The following ARL15 variants were observed in gnomAD, a reference collection of about 807,000 sequenced individuals.
The protein encoded by ARL15 is ADP-ribosylation factor-like protein 15.
ARL15 carries 19 observed loss-of-function variants against 25.2 expected under a neutral mutation model. The ratio of observed to expected loss-of-function variants is 0.75; its 90% CI spans 0.53 to 1.10. ARL15 has a LOEUF of 1.10. Among genes scored for constraint, ARL15 ranks in the 50% least tolerant of loss-of-function variants. ARL15 has a pLI of 0.00. For synonymous variants in ARL15, 94 were observed against 86.8 expected (o/e 1.08, Z -0.46); for missense variants, 220 against 246.0 (o/e 0.89, Z 0.71).
At chr5:54,070,894 T>C (rs10042837) in intron 4 of ARL15, among the ~76,000 whole-genome samples, 40,139 of 151,586 alleles carry the variant, frequency 0.26, 6,674 homozygotes, top group African/African-American at 0.48. Context: ...CTTGGCCAGG[T>C]GCAATGGCTC....
At chr5:54,155,709 C>T (rs1314621258) in intron 2 of ARL15, among the ~76,000 whole-genome samples, 1 of 151,840 alleles carries the variant, frequency 6.6e-6, no homozygotes, top group African/African-American at 2.4e-5. Flanking sequence ...CACACGCACA[C>T]ACACACATGC....
intron 3 of ARL15, among the ~76,000 whole-genome samples, chr5:54,128,591 T>G (rs1753331622): frequency 6.6e-6 from 1 of 152,190 alleles, no homozygotes; most frequent in Non-Finnish European, 1.5e-5. Flanking sequence ...GCCTGACTCA[T>G]GAGCTCACAG....
intron 2 of ARL15, among the ~76,000 whole-genome samples, chr5:54,169,366 T>G (rs1257205364): frequency 2.6e-5 from 4 of 152,198 alleles, no homozygotes; most frequent in Admixed American, 2.6e-4. Context: ...CACAGTTTTA[T>G]AAACAACCAA....
intron 2 of ARL15, among the ~76,000 whole-genome samples, chr5:54,168,132 T>G (rs1015453922): frequency 6.6e-6 from 1 of 152,204 alleles, no homozygotes; most frequent in African/African-American, 2.4e-5. Context: ...AGTCCTTAAA[T>G]CAGTGGCAGT....
chr5:53,967,331 A>G (rs1415086003), intron 4 of ARL15, among the ~76,000 whole-genome samples: 1 of 152,248 alleles, frequency 6.6e-6, no homozygotes, highest in Non-Finnish European at 1.5e-5. Flanking sequence ...TTTCACTAGA[A>G]TGACAATAAA....
intron 1 of ARL15, among the ~76,000 whole-genome samples, chr5:54,302,899 T>C (rs16882650): frequency 0.018 from 2,721 of 151,798 alleles, 78 homozygotes; most frequent in African/African-American, 0.062. Flanking sequence ...TTGGGACATT[T>C]GGGGAGATGA....
rs781098270 is a variant in ARL15 at position 53,886,597 on chromosome 5, C to T, written c.579G>A (p.Leu193=). The change falls in exon 5 of 5, where the codon TTG becomes TTA. Residue 193 remains leucine, a synonymous_variant. Transcript: ENST00000504924. ...CAGCTTCATGGTCTTTTTCTTCTAA[C>T]AAATTAATCAGCTGAGAGAAGCTGT... ...LKDSFSQLIN[L]LEEKDHEAVR... 3.2e-6 allele frequency: 5 copies of T among 1,561,854 alleles called. No homozygotes were observed. The highest frequency in any genetic ancestry group is 2.6e-6 in the Non-Finnish European group (3 of 1,151,604).
intron 3 of ARL15, among the ~76,000 whole-genome samples, chr5:54,150,708 G>C (rs1754039158): frequency 6.6e-6 from 1 of 152,192 alleles, no homozygotes; most frequent in East Asian, 1.9e-4. Context: ...TGAGGCAGGA[G>C]AATTACTTGA....
At chr5:54,162,801 G>C (rs1308468751) in intron 2 of ARL15, among the ~76,000 whole-genome samples, 1 of 152,188 alleles carries the variant, frequency 6.6e-6, no homozygotes, top group Non-Finnish European at 1.5e-5. Flanking sequence ...ATAGCAAAGA[G>C]TTGTCGATTC....
chr5:54,213,829 A>C (rs949780729), intron 1 of ARL15, among the ~76,000 whole-genome samples: 1 of 152,168 alleles, frequency 6.6e-6, no homozygotes, highest in East Asian at 1.9e-4. Flanking sequence ...AGTACCATTA[A>C]CCCAATATTC....
Position 54,021,585 on chromosome 5 carries a change from C to G in ARL15, c.462+91617G>C, listed in dbSNP as rs193178699. On this transcript the variant is annotated intron_variant, in intron 4 of 4. Coordinates refer to ENST00000504924, the MANE Select transcript of ARL15 (RefSeq NM_019087.3). The stretch of plus-strand genomic sequence containing the variant: ...AACAGAAATTACTCAATCTGAACAA[C>G]AAAGAGAAAAAGTCTAAAAACAATG... Among the ~76,000 whole-genome samples, 5 of 152,154 alleles carry G rather than the reference C, an allele frequency of 3.3e-5. No homozygotes were observed. In the East Asian group the frequency reaches 9.7e-4, roughly 29 times the overall value.
chr5:54,029,321 C>CACCACT lies in ARL15; in HGVS notation c.462+83880_462+83881insAGTGGT, dbSNP rs1561194973. ...TAAAAACAGTTACCACCACCACCAC[C>CACCACT]ACCACCACCACTACCACCACCACCA... On this transcript the variant is annotated intron_variant, in intron 4 of 4. Coordinates refer to ENST00000504924, the MANE Select transcript of ARL15 (RefSeq NM_019087.3). Among the ~76,000 whole-genome samples, 91 of 117,672 alleles carry CACCACT rather than the reference C, an allele frequency of 7.7e-4. 1 individual carries two copies. Among genetic ancestry groups the CACCACT allele is most frequent in the Middle Eastern group, 4.4e-3 (1 of 226 alleles). 77.2% of individuals were successfully genotyped at this position (117,672 alleles called of 152,430 possible).
intron 4 of ARL15, among the ~76,000 whole-genome samples, chr5:54,019,195 C>T (rs1749519704): frequency 6.6e-6 from 1 of 151,676 alleles, no homozygotes; most frequent in African/African-American, 2.4e-5. Flanking sequence ...GTTCCTAACC[C>T]AGTTGAGACG....
At chr5:54,042,626 C>T (rs919674557) in intron 4 of ARL15, among the ~76,000 whole-genome samples, 1 of 152,150 alleles carries the variant, frequency 6.6e-6, no homozygotes, top group African/African-American at 2.4e-5. Flanking sequence ...TTACATAACA[C>T]GTAGGGTTCT....
At chr5:53,964,851 G>C (rs982258974) in intron 4 of ARL15, among the ~76,000 whole-genome samples, 6 of 152,178 alleles carry the variant, frequency 3.9e-5, no homozygotes, top group Non-Finnish European at 7.3e-5. Context: ...GGAGTACCTT[G>C]TTACAAGTAA....
chr5:54,197,757 A>G (rs1755593700), intron 1 of ARL15, among the ~76,000 whole-genome samples: 1 of 152,086 alleles, frequency 6.6e-6, no homozygotes, highest in South Asian at 2.1e-4. Context: ...AACTATTCCA[A>G]TCAATAGAAA....
chr5:54,202,151 T>C (rs3843452), intron 1 of ARL15, among the ~76,000 whole-genome samples: 100,583 of 151,990 alleles, frequency 0.66, 33,903 homozygotes, highest in African/African-American at 0.76. Context: ...AAACAACCAC[T>C]CATATTGTAG....
chr5:54,006,951 G>T (rs1018962693), intron 4 of ARL15, among the ~76,000 whole-genome samples: 8 of 151,958 alleles, frequency 5.3e-5, no homozygotes, highest in Non-Finnish European at 1.0e-4. Flanking sequence ...AATTAGCCGG[G>T]GTGGTGGTGC....
At chr5:54,062,371 T>A (rs571872025) in intron 4 of ARL15, among the ~76,000 whole-genome samples, 13 of 152,122 alleles carry the variant, frequency 8.5e-5, no homozygotes, top group Non-Finnish European at 1.9e-4. Flanking sequence ...AACGATATGG[T>A]TTGGCTGTGT....
Sources: allele counts gnomAD v4.1 joint callset (sites outside exome capture counted in the v4.1 genomes callset), GRCh38; gene constraint gnomAD v4.1.1; transcripts MANE v1.5; gene names NCBI Gene and HGNC (gene_info 2026-07-23, HGNC 2026-07-21).